Variants in FRMD6 observed in about 807,000 individuals in gnomAD.
The protein encoded by FRMD6 is FERM domain containing 6, also known as FERM domain-containing protein 6.
FRMD6 carries 37 observed loss-of-function variants against 73.2 expected under a neutral mutation model. The observed-to-expected ratio is 0.51, with a 90% confidence interval of 0.39 to 0.66. FRMD6 has a LOEUF of 0.66. FRMD6 is among the 30% of genes least tolerant of loss of function. The probability of loss-of-function intolerance (pLI) is 0.00; values close to 1 mark genes in which losing one functional copy is unlikely to be tolerated. For synonymous variants in FRMD6, 273 were observed against 282.2 expected (o/e 0.97, Z 0.33); for missense variants, 714 against 780.5 (o/e 0.91, Z 1.02).
intron 2 of FRMD6, among the ~76,000 whole-genome samples, chr14:51,614,886 G>A (rs1458808793): frequency 6.6e-6 from 1 of 152,134 alleles, no homozygotes; most frequent in Non-Finnish European, 1.5e-5. Context: ...TTGCTCACAG[G>A]TGTTTTCTTG....
upstream of FRMD6, chr14:51,651,085 A>G (rs1215609435): frequency 1.3e-5 from 2 of 152,666 alleles, no homozygotes; most frequent in Non-Finnish European, 2.9e-5. Context: ...TTGTGCTATA[A>G]AAAATCTTCC....
intron 3 of FRMD6, among the ~76,000 whole-genome samples, chr14:51,700,406 G>GGGAT (rs2140437968): frequency 6.6e-6 from 1 of 152,158 alleles, no homozygotes; most frequent in South Asian, 2.1e-4. Context: ...TCCCCTGGAA[G>GGGAT]GGATGTTTTG....
At chr14:51,407,423 G>A in the FRMD6 span, among the ~76,000 whole-genome samples, 3 of 151,076 alleles carry the variant, frequency 2.0e-5, no homozygotes, top group East Asian at 3.9e-4. Flanking sequence ...GGTAATTTTT[G>A]TTAGTGAAGC....
chr14:51,668,065 A>G (rs1393104583), intron 1 of FRMD6, among the ~76,000 whole-genome samples: 5 of 152,202 alleles, frequency 3.3e-5, no homozygotes, highest in Non-Finnish European at 1.5e-5. Flanking sequence ...ATATTCTTGA[A>G]CTAGGCTCAT....
chr14:51,523,183 A>G (rs1885042118), intron 1 of FRMD6, among the ~76,000 whole-genome samples: 1 of 152,250 alleles, frequency 6.6e-6, no homozygotes, highest in South Asian at 2.1e-4. Context: ...CTATTTGATT[A>G]TCTGAAGACA....
rs73296973 is a variant in FRMD6 at position 51,720,216 on chromosome 14, G to A, written c.1186G>A (p.Gly396Ser). Residue 396 changes from glycine (G) to serine (S), a missense_variant, in exon 11 of 14, where the codon GGC (glycine) becomes AGC (serine). Physicochemically the swap from Gly to Ser is moderately conservative, Grantham distance 56 (BLOSUM62 0). Coordinates refer to ENST00000344768, the MANE Select transcript of FRMD6 (RefSeq NM_001267046.2). ...TASHSSSHTS[G>S]IEADTKPRDT... Reference sequence around the variant, plus strand: ...CAGCCACAGCAGTTCCCACACCTCGGGCATTGAGGCAGACACCAAGCCCCG... The same window carrying A: ...CAGCCACAGCAGTTCCCACACCTCGAGCATTGAGGCAGACACCAAGCCCCG... 38 of 1,614,020 alleles carry A rather than the reference G, an allele frequency of 2.4e-5. No individual in the cohort carries two copies. In the African/African-American group the frequency reaches 4.8e-4, roughly 20 times the overall value.
chr14:51,541,095 T>C (rs2139370884), intron 1 of FRMD6, among the ~76,000 whole-genome samples: 1 of 152,220 alleles, frequency 6.6e-6, no homozygotes, highest in South Asian at 2.1e-4. Context: ...GTTATGTTGA[T>C]GTGGGGTGTC....
chr14:51,699,556 TTGGTTGACC>T (rs1896159850), intron 3 of FRMD6, among the ~76,000 whole-genome samples: 3 of 152,054 alleles, frequency 2.0e-5, no homozygotes, highest in Non-Finnish European at 4.4e-5. Flanking sequence ...GAAACAGGAA[TTGGTTGACC>T]TGGTTCTAAT....
intron 2 of FRMD6, among the ~76,000 whole-genome samples, chr14:51,607,651 C>T (rs1890317342): frequency 6.6e-6 from 1 of 152,204 alleles, no homozygotes; most frequent in African/African-American, 2.4e-5. Flanking sequence ...CCAGTCTGCA[C>T]GCTTTGTTGG....
intron 1 of FRMD6, among the ~76,000 whole-genome samples, chr14:51,659,215 A>G (rs1893044503): frequency 6.6e-6 from 1 of 152,230 alleles, no homozygotes; most frequent in South Asian, 2.1e-4. Flanking sequence ...CTCATCAGTA[A>G]AGTGGGAGAT....
At chr14:51,692,100 C>G (rs574614290) in intron 2 of FRMD6, among the ~76,000 whole-genome samples, 42 of 152,122 alleles carry the variant, frequency 2.8e-4, no homozygotes, top group Non-Finnish European at 5.3e-4. Flanking sequence ...TAGGGATTGT[C>G]TGAGGATCCA....
At chr14:51,698,691 T>A (rs534260362) in intron 3 of FRMD6, among the ~76,000 whole-genome samples, 3 of 152,060 alleles carry the variant, frequency 2.0e-5, no homozygotes, top group African/African-American at 7.2e-5. Flanking sequence ...ATCTTATTTT[T>A]TATTTTTCTC....
chr14:51,425,395 A>G, the FRMD6 span, among the ~76,000 whole-genome samples: 1 of 152,054 alleles, frequency 6.6e-6, no homozygotes, highest in Non-Finnish European at 1.5e-5. Flanking sequence ...TTGTGTGTCC[A>G]TACATCTTCC....
In FRMD6 at chr14:51,577,333, A is replaced by T. The variant is rs143587560; in HGVS notation, c.-147+6923A>T. On this transcript the variant is annotated intron_variant, in intron 2 of 14. Coordinates refer to the FRMD6 transcript ENST00000356218. ...ATGGCACAGTCAGTAGCTCAGCACT[A>T]TGGTTCTTACCATTTGAAATTTCCA... Among the ~76,000 whole-genome samples the T allele has an allele frequency of 3.8e-3, 584 of 152,248 alleles. 1 individual carries two copies. Among genetic ancestry groups the T allele is most frequent in the African/African-American group, 0.012 (507 of 41,550 alleles).
intron 2 of FRMD6, 191 bp from the exon 3 acceptor site, chr14:51,697,951 A>G (rs1333149787): frequency 2.0e-6 from 1 of 490,394 alleles, no homozygotes; most frequent in Non-Finnish European, 3.7e-6. Context: ...TGTTGTAAAA[A>G]CTGGTACTGT....
chr14:51,635,850 T>C (rs1465743606), intron 2 of FRMD6, among the ~76,000 whole-genome samples: 1 of 152,238 alleles, frequency 6.6e-6, no homozygotes, highest in Non-Finnish European at 1.5e-5. Context: ...ATAATTTATC[T>C]TTTCCATCGA....
At chr14:51,650,179 G>A (rs1224817309), upstream of FRMD6, 1 of 152,214 alleles carries the variant, frequency 6.6e-6, no homozygotes, top group Non-Finnish European at 1.5e-5. Flanking sequence ...ATTGTCAATT[G>A]TGAAAAGACA....
chr14:51,682,436 G>A (rs1894865231), intron 1 of FRMD6, among the ~76,000 whole-genome samples: 1 of 151,964 alleles, frequency 6.6e-6, no homozygotes, highest in Non-Finnish European at 1.5e-5. Context: ...ATTAATGAAT[G>A]AATGTATCAA....
chr14:51,416,850 A>G, the FRMD6 span, among the ~76,000 whole-genome samples: 1 of 152,222 alleles, frequency 6.6e-6, no homozygotes, highest in Non-Finnish European at 1.5e-5. Flanking sequence ...TATTGGGTGC[A>G]TATATATTTA....
Sources: gnomAD v4.1 joint callset for allele counts (sites outside exome capture counted in the v4.1 genomes callset) on GRCh38, gnomAD v4.1.1 for gene constraint, MANE v1.5 for transcripts, NCBI Gene and HGNC (gene_info 2026-07-23, HGNC 2026-07-21) for gene names.